The following PLG variants were observed in gnomAD, a reference collection of about 807,000 sequenced individuals.
PLG encodes plasminogen, also known as plasmin.
A neutral mutation model predicts 104.4 loss-of-function variants in PLG; 41 were observed. The observed-to-expected ratio is 0.39, with a 90% CI of 0.31 to 0.51. The LOEUF (loss-of-function observed/expected upper bound fraction) is 0.51, where lower values mean the gene tolerates loss of function less well. Among genes scored for constraint, PLG ranks in the 20% least tolerant of loss-of-function variants. PLG has a pLI of 0.76. For synonymous variants in PLG, 337 were observed against 357.1 expected (o/e 0.94, Z 0.63); for missense variants, 891 against 1,003.6 (o/e 0.89, Z 1.52).
rs868687511 is a variant in PLG at position 160,716,867 on chromosome 6, C to T, written c.787+104C>T. 7.7e-4 allele frequency: 603 copies of T among 786,368 alleles called. 4 individuals carry two copies. The highest frequency in any genetic ancestry group is 6.8e-4 in the Middle Eastern group (3 of 4,438). 48.7% of individuals were successfully genotyped at this position (786,368 alleles called of 1,614,324 possible). ...CTGAGTGCAGCCTCTGAAAAGTGAC[C>T]TACAAGTCCTATGGGATGTTATTGG... On this transcript the variant is annotated intron_variant, in intron 7 of 18. Transcript: ENST00000308192.
rs1246487338 is a variant in PLG at position 160,726,812 on chromosome 6, A to G, written c.1257-4239A>G. On this transcript the variant is annotated intron_variant, in intron 10 of 18. Transcript: ENST00000308192. The surrounding 1 kb of genome is among the most constrained non-coding windows in gnomAD (Gnocchi z 4.4). ...TTTAGGGTCCCCAATACTTTTTAAG[A>G]GTTAAAGGGGTCTTAAGACCAAAAA... 2.6e-5 allele frequency among the ~76,000 whole-genome samples: 4 copies of G among 152,030 alleles called. No individual in the cohort carries two copies. The highest frequency in any genetic ancestry group is 5.9e-5 in the Non-Finnish European group (4 of 67,874).
In PLG at chr6:160,724,478, A is replaced by C. The variant is rs1777893366; in HGVS notation, c.1256+1911A>C. 6.6e-6 allele frequency among the ~76,000 whole-genome samples: 1 copy of C among 152,170 alleles called. No homozygotes were observed. The highest frequency in any genetic ancestry group is 2.4e-5 in the African/African-American group (1 of 41,462). ...GAGCCTCAAGAATATCTATGAAAAT[A>C]TCAAAAGATTTCATATATGTGTAAA... On this transcript the variant is annotated intron_variant, in intron 10 of 18. Coordinates refer to ENST00000308192, the MANE Select transcript of PLG (RefSeq NM_000301.5). The surrounding 1 kb of genome is among the most constrained non-coding windows in gnomAD (Gnocchi z 5.0).
intron 17 of PLG, among the ~76,000 whole-genome samples, chr6:160,751,419 A>C (rs1439747253): frequency 6.6e-6 from 1 of 152,218 alleles, no homozygotes; most frequent in Non-Finnish European, 1.5e-5. Context: ...TGCGAGGATT[A>C]AGTGAGATAC....
Position 160,739,765 on chromosome 6 carries a change from A to C in PLG, c.2018+557A>C, listed in dbSNP as rs1258493213. On this transcript the variant is annotated intron_variant, in intron 16 of 18. Transcript: ENST00000308192. This position sits in a 1 kb window ranked among gnomAD's most constrained non-coding sequence, Gnocchi z 4.4. The stretch of plus-strand genomic sequence containing the variant: ...GACAGAGTAAGACACTGTACCAAAA[A>C]AAAAAACACCAAAAAAACAAAAAAC... Among the ~76,000 whole-genome samples, 17 of 149,626 alleles carry C rather than the reference A, an allele frequency of 1.1e-4. No individual in the cohort carries two copies. Among genetic ancestry groups the C allele is most frequent in the Non-Finnish European group, 2.2e-4 (15 of 67,914 alleles).
chr6:160,706,356 A>G, intron 1 of PLG, 51 bp from the exon 2 acceptor site: 1 of 1,607,830 alleles, frequency 6.2e-7, no homozygotes. Flanking sequence ...ACAATTAGAC[A>G]TTGACATTGA....
chr6:160,734,745 G>GAAAAA lies in PLG; in HGVS notation c.1681+672_1681+676dup, dbSNP rs201754541. 1.8e-5 allele frequency among the ~76,000 whole-genome samples: 2 copies of GAAAAA among 113,912 alleles called. No homozygotes were observed. Among genetic ancestry groups the GAAAAA allele is most frequent in the African/African-American group, 3.1e-5 (1 of 32,176 alleles). The allele number at this position is 113,912 out of a possible 152,430, so 74.7% of individuals were successfully genotyped here. A position where few individuals can be genotyped will look rare whatever the true frequency, so the allele number is the denominator to read the frequency against. ...GAATAACAAATCCATGGGTATTTCT[G>GAAAAA]AAAAAAAAAAAAAAAAAAAGAAAGG... On this transcript the variant is annotated intron_variant, in intron 13 of 18. Coordinates refer to ENST00000308192, the MANE Select transcript of PLG (RefSeq NM_000301.5). This position sits in a 1 kb window ranked among gnomAD's most constrained non-coding sequence, Gnocchi z 4.4.
Position 160,741,276 on chromosome 6 carries a change from G to C in PLG, c.2019-35G>C. 7.3e-7 allele frequency: 1 copy of C among 1,367,760 alleles called. No homozygotes were observed. Among genetic ancestry groups the C allele is most frequent in the Non-Finnish European group, 1.0e-6 (1 of 955,268 alleles). The allele number at this position is 1,367,760 out of a possible 1,614,324, so 84.7% of individuals were successfully genotyped here. The stretch of plus-strand genomic sequence containing the variant: ...TGTGGGTACTGCAGCTGCGAGCAGA[G>C]CAGTCAAACATAACTGCTGATGCTT... On this transcript the variant is annotated intron_variant, in intron 16 of 18. Transcript: ENST00000308192. This position sits in a 1 kb window ranked among gnomAD's most constrained non-coding sequence, Gnocchi z 4.7.
At position 160,714,642 on chromosome 6, in the gene PLG, CCAATT is replaced by C; in HGVS notation, c.548-151_548-147del. The C allele has an allele frequency of 5.5e-5, 22 of 400,318 alleles. 1 individual carries two copies. The highest frequency in any genetic ancestry group is 9.2e-5 in the South Asian group (4 of 43,286). 24.8% of individuals were successfully genotyped at this position (400,318 alleles called of 1,614,324 possible). A position where few individuals can be genotyped will look rare whatever the true frequency, so the allele number is the denominator to read the frequency against. On this transcript the variant is annotated intron_variant, in intron 5 of 18. Coordinates refer to ENST00000308192, the MANE Select transcript of PLG (RefSeq NM_000301.5). The stretch of plus-strand genomic sequence containing the variant: ...GCTAGAAAATCCTGAGTCCTTATTG[CCAATT>C]TTATTGCCAAGTGCCTGTTGTGAAT...
chr6:160,714,646 TTTTATTGCCAAG>T, intron 5 of PLG, 136 bp from the exon 6 acceptor site: 3 of 412,926 alleles, frequency 7.3e-6, no homozygotes, highest in Non-Finnish European at 9.8e-6. Context: ...TTATTGCCAA[TTTTATTGCCAAG>T]TGCCTGTTGT....
rs535050546 is a variant in PLG at position 160,739,716 on chromosome 6, G to C, written c.2018+508G>C. Among the ~76,000 whole-genome samples, 1 of 128,368 alleles carries C rather than the reference G, an allele frequency of 7.8e-6. No individual in the cohort carries two copies. The highest frequency in any genetic ancestry group is 2.7e-5 in the African/African-American group (1 of 36,708). 84.2% of individuals were successfully genotyped at this position (128,368 alleles called of 152,430 possible). On this transcript the variant is annotated intron_variant, in intron 16 of 18. Transcript: ENST00000308192. The surrounding 1 kb of genome is among the most constrained non-coding windows in gnomAD (Gnocchi z 4.4). ...TTTGAGGCTGCAGTGAGTTATGATC[G>C]TGTCACTGCATTCCAGCCTGGGCGA...
chr6:160,704,334 G>T (rs897042432), intron 1 of PLG, among the ~76,000 whole-genome samples: 1 of 152,204 alleles, frequency 6.6e-6, no homozygotes, highest in Admixed American at 6.5e-5. Flanking sequence ...GCAGCGATGC[G>T]CTATGAAGCA....
chr6:160,722,314 C>A, intron 9 of PLG, 94 bp from the exon 10 acceptor site: 1 of 823,202 alleles, frequency 1.2e-6, no homozygotes, highest in Non-Finnish European at 2.1e-6. Context: ...AGTCATAATT[C>A]TCAGAGGCTA....
At chr6:160,750,767 G>C (rs1778388993) in intron 17 of PLG, among the ~76,000 whole-genome samples, 1 of 152,186 alleles carries the variant, frequency 6.6e-6, no homozygotes, top group Admixed American at 6.5e-5. Flanking sequence ...TCTTACCTGT[G>C]TCATGCTCGC....
At chr6:160,748,386 A>AAGAGAGAG (rs1491254441) in intron 17 of PLG, among the ~76,000 whole-genome samples, 1 of 41,292 alleles carries the variant, frequency 2.4e-5, no homozygotes, top group Non-Finnish European at 4.9e-5. Context: ...GAAAGAAAGA[A>AAGAGAGAG]AGAAAGAAAG....
rs374419416 is a variant in PLG at position 160,716,774 on chromosome 6, T to G, written c.787+11T>G. The G allele has an allele frequency of 1.4e-6, 2 of 1,457,482 alleles. No individual in the cohort carries two copies. Among genetic ancestry groups the G allele is most frequent in the Non-Finnish European group, 9.6e-7 (1 of 1,037,368 alleles). 90.3% of individuals were successfully genotyped at this position (1,457,482 alleles called of 1,614,324 possible). ...ACATCCCCCGCTGCAGTGAGTATGA[T>G]GCACACCCAGATTCCAGGATTTGGA... On this transcript the variant is annotated intron_variant, in intron 7 of 18. Coordinates refer to ENST00000308192, the MANE Select transcript of PLG (RefSeq NM_000301.5).
intron 5 of PLG, among the ~76,000 whole-genome samples, chr6:160,714,455 T>C (rs964029631): frequency 1.4e-5 from 2 of 146,198 alleles, no homozygotes; most frequent in Non-Finnish European, 3.1e-5. Context: ...CGTAGACTCC[T>C]GGGAATATAT....
At chr6:160,706,985 A>G (rs1198784430) in intron 2 of PLG, among the ~76,000 whole-genome samples, 1 of 151,710 alleles carries the variant, frequency 6.6e-6, no homozygotes, top group Non-Finnish European at 1.5e-5. Context: ...AGTGAGGTAC[A>G]GGCATAATCA....
In PLG at chr6:160,753,821, G is replaced by C. The variant is rs1249516969; in HGVS notation, c.*760G>C. Among the ~76,000 whole-genome samples the C allele has an allele frequency of 6.6e-6, 1 of 152,312 alleles. No homozygotes were observed. Among genetic ancestry groups the C allele is most frequent in the South Asian group, 2.1e-4 (1 of 4,824 alleles). ...TAATTGCCTGCCCGGTTTTGAAACA[G>C]TCTGCAGTACACACGGTCACAGGAG... On this transcript the variant is annotated 3_prime_UTR_variant, in exon 19 of 19. Transcript: ENST00000308192. The surrounding 1 kb of genome is among the most constrained non-coding windows in gnomAD (Gnocchi z 5.4).
chr6:160,716,758 G>C lies in PLG; in HGVS notation c.782G>C (p.Arg261Pro), dbSNP rs4252187. ...NKRWELCDIPRCTTPPPSSGP... is the reference protein window; with the variant it reads ...NKRWELCDIPPCTTPPPSSGP... ...CGCTGGGAACTTTGTGACATCCCCC[G>C]CTGCAGTGAGTATGATGCACACCCA... Residue 261 changes from arginine (R) to proline (P), a missense_variant, in exon 7 of 19, where the codon CGC (arginine) becomes CCC (proline). Transcript: ENST00000308192. 1 of 1,567,126 alleles carries C rather than the reference G, an allele frequency of 6.4e-7. No individual in the cohort carries two copies. Among genetic ancestry groups the C allele is most frequent in the Non-Finnish European group, 8.8e-7 (1 of 1,137,206 alleles).
Sources: allele counts gnomAD v4.1 joint callset (sites outside exome capture counted in the v4.1 genomes callset), GRCh38; gene constraint gnomAD v4.1.1; non-coding constraint Gnocchi (gnomAD v3.1); transcripts MANE v1.5; gene names NCBI Gene and HGNC (gene_info 2026-07-23, HGNC 2026-07-21).